Variants in CELF2 observed in about 807,000 individuals in gnomAD.
The protein encoded by CELF2 is CUG triplet repeat RNA-binding protein 2.
CELF2 carries 8 observed loss-of-function variants against 62.6 expected under a neutral mutation model. That is an observed-to-expected ratio of 0.13 (90% CI 0.07 to 0.23). The LOEUF (loss-of-function observed/expected upper bound fraction) is 0.23, where lower values mean the gene tolerates loss of function less well. Ranked by LOEUF, CELF2 falls within the 10% of genes least tolerant of loss-of-function variation. The probability of loss-of-function intolerance (pLI) is 1.00; values close to 1 mark genes in which losing one functional copy is unlikely to be tolerated. For missense variants in CELF2, 333 were observed against 671.0 expected, an observed-to-expected ratio of 0.50 and a Z score of 5.56; for synonymous variants, 258 against 250.0, an observed-to-expected ratio of 1.03 and a Z score of -0.30.
the CELF2 span, among the ~76,000 whole-genome samples, chr10:10,774,549 G>A: frequency 2.0e-5 from 3 of 152,270 alleles, no homozygotes; most frequent in Non-Finnish European, 2.9e-5. Flanking sequence ...CCCTGCCCCC[G>A]CTCTCGCTCC....
chr10:10,767,885 A>G, the CELF2 span, among the ~76,000 whole-genome samples: 9,774 of 107,466 alleles, frequency 0.091, 389 homozygotes, highest in East Asian at 0.22. Flanking sequence ...AGTCCCAGCT[A>G]CTCGGGAGGC....
At chr10:11,212,291 G>T (rs564610994) in intron 2 of CELF2, among the ~76,000 whole-genome samples, 2 of 152,268 alleles carry the variant, frequency 1.3e-5, no homozygotes, top group Admixed American at 1.3e-4. Context: ...CAGTGTCCAG[G>T]ATCTTCTTGC....
At chr10:10,508,131 C>T in the CELF2 span, among the ~76,000 whole-genome samples, 1 of 151,210 alleles carries the variant, frequency 6.6e-6, no homozygotes, top group Non-Finnish European at 1.5e-5. Flanking sequence ...TACTGGAACT[C>T]CTGGGAGGTG....
chr10:11,144,341 G>T (rs1170308775), intron 1 of CELF2, among the ~76,000 whole-genome samples: 4 of 152,088 alleles, frequency 2.6e-5, no homozygotes, highest in African/African-American at 9.7e-5. Flanking sequence ...AATCAATTTA[G>T]CCATGGGATA....
the CELF2 span, among the ~76,000 whole-genome samples, chr10:10,533,759 A>C: frequency 1.3e-5 from 2 of 152,214 alleles, no homozygotes; most frequent in South Asian, 4.1e-4. Context: ...TTAAGGTCAA[A>C]GTATGTTGAA....
intron 2 of CELF2, among the ~76,000 whole-genome samples, chr10:10,922,012 CAG>C (rs995895876): frequency 6.6e-6 from 1 of 152,016 alleles, no homozygotes; most frequent in African/African-American, 2.4e-5. Flanking sequence ...CACTGGAGAA[CAG>C]GGGAAAGTAC....
At chr10:10,570,160 G>A in the CELF2 span, among the ~76,000 whole-genome samples, 1 of 152,146 alleles carries the variant, frequency 6.6e-6, no homozygotes, top group Non-Finnish European at 1.5e-5. Context: ...GTCTACAAGG[G>A]CATTGAGGGG....
rs60873080 is a variant in CELF2 at position 11,177,065 on chromosome 10, G to A, written c.271+11383G>A. On this transcript the variant is annotated intron_variant, in intron 2 of 12. Coordinates refer to ENST00000633077, the MANE Select transcript of CELF2 (RefSeq NM_001326342.2). The surrounding 1 kb of genome is among the most constrained non-coding windows in gnomAD (Gnocchi z 4.8). Reference sequence around the variant, plus strand: ...CCACTGGTTGCAGAAGCCTATATAGGGTGGCTCATTTGGACGAAGTATTGT... The same window carrying A: ...CCACTGGTTGCAGAAGCCTATATAGAGTGGCTCATTTGGACGAAGTATTGT... 0.026 allele frequency among the ~76,000 whole-genome samples: 3,936 copies of A among 152,182 alleles called. 168 individuals carry two copies. The highest frequency in any genetic ancestry group is 0.089 in the African/African-American group (3,700 of 41,508).
rs1361344159 is a variant in CELF2 at position 11,039,478 on chromosome 10, T to G, written c.74+21315T>G. On this transcript the variant is annotated intron_variant, in intron 1 of 12. Transcript: ENST00000633077. The surrounding 1 kb of genome is among the most constrained non-coding windows in gnomAD (Gnocchi z 4.1). The stretch of plus-strand genomic sequence containing the variant: ...GTGAGCTATGTAGTCACGGTCACAG[T>G]GTGTACTCAAAGTACCTTAAAACGA... Among the ~76,000 whole-genome samples, 4 of 152,238 alleles carry G rather than the reference T, an allele frequency of 2.6e-5. No homozygotes were observed. Among genetic ancestry groups the G allele is most frequent in the Non-Finnish European group, 4.4e-5 (3 of 68,044 alleles).
intron 1 of CELF2, among the ~76,000 whole-genome samples, chr10:11,057,934 T>C (rs1465533576): frequency 1.3e-5 from 2 of 152,182 alleles, no homozygotes; most frequent in African/African-American, 4.8e-5. Flanking sequence ...TAGCAAGACA[T>C]GTTAAATGGA....
chr10:11,272,837 C>T (rs140124927), intron 7 of CELF2, among the ~76,000 whole-genome samples: 1 of 152,322 alleles, frequency 6.6e-6, no homozygotes, highest in East Asian at 1.9e-4. Context: ...GGTTTAATGA[C>T]ACTCCAGGTA....
intron 7 of CELF2, among the ~76,000 whole-genome samples, chr10:11,273,975 C>G (rs1056954627): frequency 9.0e-5 from 13 of 144,340 alleles, no homozygotes; most frequent in African/African-American, 2.4e-4. Context: ...CCCACCCCCC[C>G]CCCCCACCTT....
the CELF2 span, among the ~76,000 whole-genome samples, chr10:10,487,009 A>G: frequency 6.6e-6 from 1 of 152,176 alleles, no homozygotes; most frequent in African/African-American, 2.4e-5. Flanking sequence ...TCCATCGTAT[A>G]TGCCTAGGGG....
At chr10:11,001,136 T>G (rs1164221474), upstream of CELF2, among the ~76,000 whole-genome samples, 3 of 152,252 alleles carry the variant, frequency 2.0e-5, no homozygotes, top group Admixed American at 1.3e-4. Context: ...CCTTGATCAT[T>G]GCTTCATATT....
chr10:10,898,518 G>A (rs752129896), intron 1 of CELF2, among the ~76,000 whole-genome samples: 6 of 152,174 alleles, frequency 3.9e-5, no homozygotes, highest in Admixed American at 2.6e-4. Flanking sequence ...CTATTGCCAG[G>A]GATAGAGAGG....
At chr10:10,944,258 C>T (rs1266145839) in intron 2 of CELF2, 1 of 152,646 alleles carries the variant, frequency 6.6e-6, no homozygotes, top group Non-Finnish European at 1.5e-5. Flanking sequence ...CATTGAGCAC[C>T]TCTGTCTTGA....
At chr10:11,292,402 C>G (rs1410991775) in intron 9 of CELF2, among the ~76,000 whole-genome samples, 3 of 152,210 alleles carry the variant, frequency 2.0e-5, no homozygotes, top group African/African-American at 7.2e-5. Flanking sequence ...AGAATTCACC[C>G]TTGAAGTTAT....
the CELF2 span, among the ~76,000 whole-genome samples, chr10:10,566,718 C>CTT: frequency 6.6e-6 from 1 of 151,946 alleles, no homozygotes; most frequent in East Asian, 1.9e-4. Flanking sequence ...AGGTTGCCAT[C>CTT]TTTTGTTCAC....
the CELF2 span, among the ~76,000 whole-genome samples, chr10:10,661,096 A>T: frequency 6.6e-6 from 1 of 152,336 alleles, no homozygotes; most frequent in African/African-American, 2.4e-5. Flanking sequence ...TGTGTTCTTC[A>T]ATAAGTTTTG....
Sources: allele counts gnomAD v4.1 joint callset (sites outside exome capture counted in the v4.1 genomes callset), GRCh38; gene constraint gnomAD v4.1.1; non-coding constraint Gnocchi (gnomAD v3.1); transcripts MANE v1.5; gene names NCBI Gene and HGNC (gene_info 2026-07-23, HGNC 2026-07-21).